Variants in MACC1 observed in about 807,000 individuals in gnomAD.
MACC1 encodes the protein MET transcriptional regulator MACC1.
A neutral mutation model predicts 70.7 loss-of-function variants in MACC1; 79 were observed. The observed-to-expected ratio is 1.12, with a 90% CI of 0.93 to 1.35. MACC1 has a LOEUF of 1.35. Among genes scored for constraint, MACC1 ranks in the 40% most tolerant of loss-of-function variants. The probability of loss-of-function intolerance (pLI) is 0.00; values close to 1 mark genes in which losing one functional copy is unlikely to be tolerated. For synonymous variants in MACC1, 361 were observed against 347.2 expected (o/e 1.04, Z -0.44); for missense variants, 1,106 against 978.1 (o/e 1.13, Z -1.74).
At chr7:20,167,640 C>A (rs922989705) in intron 2 of MACC1, among the ~76,000 whole-genome samples, 1 of 151,402 alleles carries the variant, frequency 6.6e-6, no homozygotes, top group Admixed American at 6.6e-5. Flanking sequence ...CTACACAACA[C>A]TTTCTACCTA....
chr7:20,140,949 T>C lies in MACC1; in HGVS notation c.2556A>G (p.Val852=), dbSNP rs895729176. 39 of 1,610,302 alleles carry C rather than the reference T, an allele frequency of 2.4e-5. No homozygotes were observed. The highest frequency in any genetic ancestry group is 3.0e-5 in the Non-Finnish European group (35 of 1,177,392). The change falls in exon 7 of 7, where the codon GTA becomes GTG. Residue 852 remains valine, a synonymous_variant. Coordinates refer to ENST00000400331, the MANE Select transcript of MACC1 (RefSeq NM_182762.4). ...RVTAFSTSEE[V] The stretch of plus-strand genomic sequence containing the variant: ...ATCAAAAACACACGCTTTGTTTCTA[T>C]ACTTCCTCAGAAGTGGAGAATGCAG...
chr7:20,174,552 T>C (rs1782364151), intron 1 of MACC1, among the ~76,000 whole-genome samples: 1 of 152,160 alleles, frequency 6.6e-6, no homozygotes, highest in African/African-American at 2.4e-5. Context: ...TACAAACATA[T>C]ACAGCTTGCA....
In MACC1 at chr7:20,178,468, G is replaced by C. The variant is rs530322347; in HGVS notation, c.-217-7690C>G. 3.3e-5 allele frequency among the ~76,000 whole-genome samples: 5 copies of C among 152,196 alleles called. No homozygotes were observed. The South Asian group carries it at 1.0e-3, about 32-fold the overall frequency. On this transcript the variant is annotated intron_variant, in intron 1 of 6. Coordinates refer to ENST00000400331, the MANE Select transcript of MACC1 (RefSeq NM_182762.4). ...TTTCGGCATGTATTAGTGTTGATGA[G>C]ACAGCTTCAACAGTCTGGTTGGTGT... is the stretch of plus-strand genomic sequence containing the variant.
At position 20,154,384 on chromosome 7, in the gene MACC1, G is replaced by A. The variant is rs773387897; in HGVS notation, c.2158-3C>T. 1 of 1,611,308 alleles carries A rather than the reference G, an allele frequency of 6.2e-7. No individual in the cohort carries two copies. Among genetic ancestry groups the A allele is most frequent in the South Asian group, 1.1e-5 (1 of 90,800 alleles). On this transcript the variant is annotated splice_region_variant and splice_polypyrimidine_tract_variant and intron_variant, in intron 5 of 6. Coordinates refer to ENST00000400331, the MANE Select transcript of MACC1 (RefSeq NM_182762.4). ...TGGCAATCCATTTTCAGAAGAGCCT[G>A]CAGCAACAATTACATGTCACAATTA...
intron 1 of MACC1, among the ~76,000 whole-genome samples, chr7:20,179,709 A>G (rs1300585683): frequency 2.6e-5 from 4 of 152,152 alleles, no homozygotes; most frequent in African/African-American, 9.7e-5. Flanking sequence ...TTGTTTTCAA[A>G]AGGCTTCCAA....
intron 6 of MACC1, 135 bp from the exon 7 acceptor site, chr7:20,141,293 T>C (rs1781797181): frequency 5.4e-6 from 3 of 551,558 alleles, no homozygotes; most frequent in Non-Finnish European, 9.2e-6. Context: ...ACTTATTTGA[T>C]GTCATAGAAA....
chr7:20,174,465 A>C (rs547383848), intron 1 of MACC1, among the ~76,000 whole-genome samples: 51 of 152,320 alleles, frequency 3.3e-4, no homozygotes, highest in Non-Finnish European at 6.0e-4. Context: ...ACTATATGGG[A>C]AATTGCAGAT....
intron 1 of MACC1, among the ~76,000 whole-genome samples, chr7:20,194,641 C>G (rs147755547): frequency 6.6e-6 from 1 of 152,334 alleles, no homozygotes; most frequent in East Asian, 1.9e-4. Context: ...TACATTCATG[C>G]AAAACATCAT....
intron 1 of MACC1, among the ~76,000 whole-genome samples, chr7:20,207,755 A>G (rs1047641312): frequency 6.6e-6 from 1 of 152,242 alleles, no homozygotes; most frequent in Non-Finnish European, 1.5e-5. Flanking sequence ...TATGAAACAC[A>G]TAGGTAAGTG....
chr7:20,213,858 T>C (rs992092742), intron 1 of MACC1, among the ~76,000 whole-genome samples: 2 of 152,074 alleles, frequency 1.3e-5, no homozygotes, highest in Admixed American at 6.5e-5. Flanking sequence ...CCCCATGACA[T>C]AAGTTTACCT....
intron 3 of MACC1, among the ~76,000 whole-genome samples, chr7:20,162,548 T>C (rs1179495754): frequency 1.3e-5 from 2 of 152,112 alleles, no homozygotes; most frequent in Non-Finnish European, 1.5e-5. Flanking sequence ...TTATCATAAA[T>C]AGGCTCTAAG....
chr7:20,180,170 C>A (rs1782479960), intron 1 of MACC1, among the ~76,000 whole-genome samples: 1 of 152,114 alleles, frequency 6.6e-6, no homozygotes, highest in African/African-American at 2.4e-5. Flanking sequence ...AATGGCCAGG[C>A]ATGGTGTCTC....
At chr7:20,193,473 G>T (rs1782701795) in intron 1 of MACC1, among the ~76,000 whole-genome samples, 1 of 152,222 alleles carries the variant, frequency 6.6e-6, no homozygotes, top group Admixed American at 6.5e-5. Context: ...ATGTTGAGGT[G>T]ATGGTCATGA....
rs1414919394 is a variant in MACC1 at position 20,139,260 on chromosome 7, A to T, written c.*1686T>A. The T allele has an allele frequency of 6.6e-6, 1 of 152,102 alleles. No individual in the cohort carries two copies. The highest frequency in any genetic ancestry group is 6.5e-5 in the Admixed American group (1 of 15,268). The allele number at this position is 152,102 out of a possible 1,614,324, so 9.4% of individuals were successfully genotyped here. On this transcript the variant is annotated 3_prime_UTR_variant, in exon 7 of 7. Coordinates refer to ENST00000400331, the MANE Select transcript of MACC1 (RefSeq NM_182762.4). ...ATCCTTTCACTCCTTCACCCCTGCT[A>T]TCTGCACCTATTCAGCTCCCACCCA...
Position 20,140,174 on chromosome 7 carries a change from A to G in MACC1, c.*772T>C, listed in dbSNP as rs1294535043. 1 of 152,200 alleles carries G rather than the reference A, an allele frequency of 6.6e-6. No individual in the cohort carries two copies. Among genetic ancestry groups the G allele is most frequent in the Non-Finnish European group, 1.5e-5 (1 of 68,028 alleles). The allele number at this position is 152,200 out of a possible 1,614,324, so 9.4% of individuals were successfully genotyped here. On this transcript the variant is annotated 3_prime_UTR_variant, in exon 7 of 7. Coordinates refer to ENST00000400331, the MANE Select transcript of MACC1 (RefSeq NM_182762.4). ...TCTGTCAGTCTTTCAAGAGACGATGAAAAAGAGTAGCAAGTCTCACTTAAA... is the reference window on the plus strand; with the variant it reads ...TCTGTCAGTCTTTCAAGAGACGATGGAAAAGAGTAGCAAGTCTCACTTAAA...
intron 6 of MACC1, among the ~76,000 whole-genome samples, chr7:20,152,696 A>C (rs936277728): frequency 3.7e-4 from 57 of 152,176 alleles, no homozygotes; most frequent in African/African-American, 1.4e-3. Flanking sequence ...GTGCAAAAGT[A>C]AATAATGGAA....
At chr7:20,203,474 G>A (rs942682211) in intron 1 of MACC1, among the ~76,000 whole-genome samples, 5 of 152,134 alleles carry the variant, frequency 3.3e-5, no homozygotes, top group African/African-American at 4.8e-5. Context: ...AGCTTTCAAC[G>A]GCTAAACCTA....
chr7:20,144,877 G>A (rs1323020181), intron 6 of MACC1, among the ~76,000 whole-genome samples: 1 of 152,142 alleles, frequency 6.6e-6, no homozygotes, highest in Non-Finnish European at 1.5e-5. Context: ...GGATACAAGA[G>A]AGAAATAGAC....
chr7:20,140,797 T>G lies in MACC1; in HGVS notation c.*149A>C. 1 of 533,824 alleles carries G rather than the reference T, an allele frequency of 1.9e-6. No individual in the cohort carries two copies. Among genetic ancestry groups the G allele is most frequent in the Non-Finnish European group, 3.1e-6 (1 of 324,104 alleles). 33.1% of individuals were successfully genotyped at this position (533,824 alleles called of 1,614,324 possible). ...TATAATGCTTTTCTGAGATTCTTTC[T>G]TTCCTACACACACACACACACACAC... is the stretch of plus-strand genomic sequence containing the variant. On this transcript the variant is annotated 3_prime_UTR_variant, in exon 7 of 7. Transcript: ENST00000400331.
Sources: allele counts gnomAD v4.1 joint callset (sites outside exome capture counted in the v4.1 genomes callset), GRCh38; gene constraint gnomAD v4.1.1; transcripts MANE v1.5; gene names NCBI Gene and HGNC (gene_info 2026-07-23, HGNC 2026-07-21).